The following SPMIP2 variants were observed in gnomAD, a reference collection of about 807,000 sequenced individuals.
SPMIP2 encodes the protein sperm microtubule inner protein 2, also known as protein SPMIP2.
the SPMIP2 span, among the ~76,000 whole-genome samples, chr4:159,038,108 T>C: frequency 1.3e-5 from 2 of 152,200 alleles, no homozygotes; most frequent in East Asian, 1.9e-4. Context: ...CTACAAAGTG[T>C]AGTTTTCTGC....
chr4:158,936,659 C>G, the SPMIP2 span, among the ~76,000 whole-genome samples: 2 of 152,170 alleles, frequency 1.3e-5, no homozygotes, highest in Admixed American at 1.3e-4. Context: ...GTTATTTTCC[C>G]TTTGGAAGAT....
At chr4:159,065,533 C>G in the SPMIP2 span, among the ~76,000 whole-genome samples, 1 of 152,140 alleles carries the variant, frequency 6.6e-6, no homozygotes, top group African/African-American at 2.4e-5. Context: ...GCCTGGGCAG[C>G]ATGGCGAAAC....
the SPMIP2 span, among the ~76,000 whole-genome samples, chr4:159,056,793 A>G: frequency 1.3e-5 from 2 of 152,220 alleles, no homozygotes; most frequent in Non-Finnish European, 2.9e-5. Context: ...GTGGGGATCC[A>G]TGGGCTGGAG....
At chr4:158,937,956 A>G in the SPMIP2 span, among the ~76,000 whole-genome samples, 1 of 152,208 alleles carries the variant, frequency 6.6e-6, no homozygotes, top group Non-Finnish European at 1.5e-5. Flanking sequence ...CTTGCTTAGG[A>G]GTTTCCTCCC....
chr4:159,021,626 G>A, the SPMIP2 span, among the ~76,000 whole-genome samples: 1 of 152,174 alleles, frequency 6.6e-6, no homozygotes, highest in African/African-American at 2.4e-5. Flanking sequence ...TCAATACAAT[G>A]TTATAGGATT....
the SPMIP2 span, among the ~76,000 whole-genome samples, chr4:159,006,842 T>G: frequency 2.4e-4 from 36 of 152,146 alleles, no homozygotes; most frequent in Non-Finnish European, 5.0e-4. Context: ...GGAGTCAAAG[T>G]GGCAAGCATT....
the SPMIP2 span, chr4:159,064,362 C>T: frequency 1.3e-5 from 2 of 152,116 alleles, no homozygotes; most frequent in Non-Finnish European, 2.9e-5. Flanking sequence ...TGACTATGAA[C>T]AATCAGTTGA....
the SPMIP2 span, among the ~76,000 whole-genome samples, chr4:159,039,955 TA>T: frequency 1.3e-5 from 2 of 152,244 alleles, no homozygotes; most frequent in African/African-American, 4.8e-5. Context: ...TAGAAGCTTT[TA>T]TTATATAGCA....
the SPMIP2 span, among the ~76,000 whole-genome samples, chr4:158,925,795 G>T: frequency 1.3e-5 from 2 of 152,118 alleles, no homozygotes; most frequent in Non-Finnish European, 2.9e-5. Flanking sequence ...AGTTCATCTG[G>T]ACTGCAGTAA....
the SPMIP2 span, among the ~76,000 whole-genome samples, chr4:158,950,409 C>G: frequency 1.3e-5 from 2 of 152,168 alleles, no homozygotes; most frequent in African/African-American, 4.8e-5. Context: ...AAACCACAGC[C>G]ATTTGAGCTG....
At chr4:158,974,579 T>TA in the SPMIP2 span, among the ~76,000 whole-genome samples, 5 of 152,152 alleles carry the variant, frequency 3.3e-5, no homozygotes, top group Non-Finnish European at 5.9e-5. Flanking sequence ...GTTCCTGAGT[T>TA]ACTTTGCTGA....
At chr4:159,061,221 C>T in the SPMIP2 span, among the ~76,000 whole-genome samples, 1 of 151,708 alleles carries the variant, frequency 6.6e-6, no homozygotes, top group Non-Finnish European at 1.5e-5. Flanking sequence ...GAAGTTTGGC[C>T]TCTATTGGAA....
At chr4:158,985,233 A>G in the SPMIP2 span, among the ~76,000 whole-genome samples, 1 of 145,184 alleles carries the variant, frequency 6.9e-6, no homozygotes, top group Non-Finnish European at 1.5e-5. Flanking sequence ...ATTCCTTCTG[A>G]TACTATTCCA....
the SPMIP2 span, among the ~76,000 whole-genome samples, chr4:158,935,927 C>A: frequency 6.7e-4 from 102 of 152,312 alleles, no homozygotes; most frequent in East Asian, 0.019. Flanking sequence ...GGTCTTCCAC[C>A]TTTTTGTGAC....
chr4:159,055,711 AAAATAAAT>A, the SPMIP2 span, among the ~76,000 whole-genome samples: 291 of 152,200 alleles, frequency 1.9e-3, 1 homozygote, highest in Non-Finnish European at 3.6e-3. Context: ...CCCTGTCTCA[AAAATAAAT>A]AAATAAATAA....
chr4:158,943,811 A>T, the SPMIP2 span, among the ~76,000 whole-genome samples: 2 of 151,100 alleles, frequency 1.3e-5, no homozygotes, highest in Admixed American at 1.3e-4. Flanking sequence ...TCCTAAAAAA[A>T]TCCTACACTT....
At chr4:158,971,695 A>G in the SPMIP2 span, among the ~76,000 whole-genome samples, 1 of 152,212 alleles carries the variant, frequency 6.6e-6, no homozygotes, top group South Asian at 2.1e-4. Context: ...CATGCTAGTT[A>G]CTGCTTCTAG....
chr4:159,062,956 G>C, the SPMIP2 span, among the ~76,000 whole-genome samples: 1 of 149,370 alleles, frequency 6.7e-6, no homozygotes, highest in Non-Finnish European at 1.5e-5. Flanking sequence ...GCCTTCCAAA[G>C]AGCCGGGATT....
At chr4:159,076,124 T>A in the SPMIP2 span, among the ~76,000 whole-genome samples, 1 of 152,226 alleles carries the variant, frequency 6.6e-6, no homozygotes, top group African/African-American at 2.4e-5. Context: ...TCAGACACTA[T>A]TGTCCCGATT....
Sources: gnomAD v4.1 joint callset for allele counts (sites outside exome capture counted in the v4.1 genomes callset) on GRCh38, gnomAD v4.1.1 for gene constraint, MANE v1.5 for transcripts, NCBI Gene and HGNC (gene_info 2026-07-23, HGNC 2026-07-21) for gene names.